Variants in ACTR8 observed in about 807,000 individuals in gnomAD.
ACTR8 encodes the protein actin related protein 8.
In ACTR8, 70 loss-of-function variants were observed where a neutral mutation model predicts 84.3. That is an observed-to-expected ratio of 0.83 (90% CI 0.68 to 1.01). ACTR8 has a LOEUF of 1.01. Among genes scored for constraint, ACTR8 ranks in the 50% least tolerant of loss-of-function variants. The pLI, the probability that ACTR8 is intolerant of heterozygous loss-of-function variation, is 0.00. For missense variants in ACTR8, 672 were observed against 775.4 expected (o/e 0.87, Z 1.58); for synonymous variants, 268 against 275.2 (o/e 0.97, Z 0.26).
downstream of ACTR8, chr3:53,864,780 A>G: frequency 6.2e-7 from 1 of 1,612,974 alleles, no homozygotes; most frequent in African/African-American, 1.3e-5. Flanking sequence ...CTACCACCAC[A>G]CTACTGCCCC....
Position 53,877,731 on chromosome 3 carries a change from C to G in ACTR8, c.426G>C (p.Gln142His). The change falls in exon 4 of 13, where the codon CAG becomes CAC. Residue 142 changes from glutamine (Q) to histidine (H), a missense_variant. By Grantham distance (24) the Gln-to-His change is conservative (BLOSUM62 0). Coordinates refer to ENST00000335754, the MANE Select transcript of ACTR8 (RefSeq NM_022899.5). ...SPEQARSYNK[Q>H]MRPAILDHCS... ...AGTGATCTAAAATTGCAGGTCGCAT[C>G]TGCTTATTGTAGGAGCGTGCCTGAA... 6.2e-7 allele frequency: 1 copy of G among 1,614,108 alleles called. No homozygotes were observed. Among genetic ancestry groups the G allele is most frequent in the East Asian group, 2.2e-5 (1 of 44,870 alleles).
intron 1 of ACTR8, among the ~76,000 whole-genome samples, chr3:53,880,911 CA>C (rs1700047953): frequency 6.6e-6 from 1 of 152,202 alleles, no homozygotes; most frequent in African/African-American, 2.4e-5. Context: ...CTTGAGTGCC[CA>C]ATACTGCCCT....
At chr3:53,871,992 T>C (rs1263435053) in intron 10 of ACTR8, among the ~76,000 whole-genome samples, 3 of 152,202 alleles carry the variant, frequency 2.0e-5, no homozygotes, top group African/African-American at 7.2e-5. Flanking sequence ...GTACCAGACA[T>C]CATATTATGG....
At position 53,871,382 on chromosome 3, in the gene ACTR8, A is replaced by G; in HGVS notation, c.1417T>C (p.Leu473=). ...AGGCCATCTCCCTGTGCAGACCCCA[A>G]ATCTACCTCCTGGGAATGGAGTCTT... ...PERLHSQEVD[L]GSAQGDGLMA... is the part of the protein sequence containing the mutation. Residue 473 remains leucine, a synonymous_variant, in exon 11 of 13, where the codon TTG becomes CTG. Transcript: ENST00000335754. The G allele has an allele frequency of 6.2e-7, 1 of 1,614,226 alleles. No individual in the cohort carries two copies. Among genetic ancestry groups the G allele is most frequent in the Non-Finnish European group, 8.5e-7 (1 of 1,180,036 alleles).
Position 53,870,392 on chromosome 3 carries a change from C to T in ACTR8, c.1568-247G>A. 2.1e-6 allele frequency: 1 copy of T among 474,236 alleles called. No individual in the cohort carries two copies. Among genetic ancestry groups the T allele is most frequent in the South Asian group, 2.8e-5 (1 of 35,352 alleles). The allele number at this position is 474,236 out of a possible 1,614,324, so 29.4% of individuals were successfully genotyped here. A position where few individuals can be genotyped will look rare whatever the true frequency, so the allele number is the denominator to read the frequency against. On this transcript the variant is annotated intron_variant, in intron 11 of 12. Transcript: ENST00000335754. The surrounding 1 kb of genome is among the most constrained non-coding windows in gnomAD (Gnocchi z 4.1). The stretch of plus-strand genomic sequence containing the variant: ...AGGAGGCCGAGCATGGTGGCTCACG[C>T]CTGTAATCCCAGCACTTTGGGAGGC...
At chr3:53,875,517 T>G (rs1699951891) in intron 7 of ACTR8, among the ~76,000 whole-genome samples, 1 of 152,210 alleles carries the variant, frequency 6.6e-6, no homozygotes, top group Non-Finnish European at 1.5e-5. Flanking sequence ...AACACCACTA[T>G]GACAAAAAAT....
Position 53,872,380 on chromosome 3 carries a change from G to A in ACTR8, c.1302+4C>T, listed in dbSNP as rs367777535. On this transcript the variant is annotated splice_donor_region_variant and intron_variant, in intron 10 of 12. Coordinates refer to ENST00000335754, the MANE Select transcript of ACTR8 (RefSeq NM_022899.5). The stretch of plus-strand genomic sequence containing the variant: ...TCTCTTCTCCTACCAGAATTGCTAC[G>A]GACCTGTTCTTGTTTGCTCTGTGTG... The A allele has an allele frequency of 1.6e-4, 245 of 1,578,552 alleles. No homozygotes were observed. The highest frequency in any genetic ancestry group is 2.0e-4 in the Non-Finnish European group (229 of 1,165,978).
Position 53,877,286 on chromosome 3 carries a change from A to G in ACTR8, c.612T>C (p.Val204=), listed in dbSNP as rs1699990001. 1 of 1,614,104 alleles carries G rather than the reference A, an allele frequency of 6.2e-7. No individual in the cohort carries two copies. The highest frequency in any genetic ancestry group is 1.3e-5 in the African/African-American group (1 of 75,056). Residue 204 remains valine, a synonymous_variant, in exon 5 of 13, where the codon GTT becomes GTC. Coordinates refer to ENST00000335754, the MANE Select transcript of ACTR8 (RefSeq NM_022899.5). ...HPGPGGSLTA[V]LADIEVIWSH... Reference sequence around the variant, plus strand: ...ACCATATTACTTCAATATCTGCCAGAACAGCTGTAAGAGAGCCCCCAGGGC... The same window carrying G: ...ACCATATTACTTCAATATCTGCCAGGACAGCTGTAAGAGAGCCCCCAGGGC...
chr3:53,876,786 G>T, intron 5 of ACTR8, 73 bp from the exon 6 acceptor site: 1 of 737,300 alleles, frequency 1.4e-6, no homozygotes, highest in Non-Finnish European at 2.2e-6. Flanking sequence ...CCTTTTTAGA[G>T]AGACTTCCCT....
chr3:53,874,531 C>G (rs572306114), intron 7 of ACTR8, among the ~76,000 whole-genome samples, 167 bp from the exon 8 acceptor site: 127 of 152,216 alleles, frequency 8.3e-4, no homozygotes, highest in African/African-American at 2.7e-3. Flanking sequence ...TCAAGACCAG[C>G]TGGCCAATAT....
chr3:53,863,010 A>T (rs951882993), downstream of ACTR8, among the ~76,000 whole-genome samples: 11 of 152,190 alleles, frequency 7.2e-5, no homozygotes, highest in African/African-American at 2.4e-4. Context: ...CTACTCAACA[A>T]GATGATGACA....
At position 53,872,402 on chromosome 3, in the gene ACTR8, T is replaced by C. The variant is rs1280684766; in HGVS notation, c.1284A>G (p.Thr428=). 2.2e-5 allele frequency: 36 copies of C among 1,608,544 alleles called. No individual in the cohort carries two copies. The highest frequency in any genetic ancestry group is 3.0e-5 in the Non-Finnish European group (35 of 1,178,230). The change falls in exon 10 of 13, where the codon ACA becomes ACG. Residue 428 remains threonine, a synonymous_variant. Transcript: ENST00000335754. ...TACGGACCTGTTCTTGTTTGCTCTG[T>C]GTGGCCAGCAGGTAATGTTCATCGT... The part of the protein sequence containing the change: ...DPHDEHYLLA[T]QSKQEQSAKA...
At position 53,870,158 on chromosome 3, in the gene ACTR8, T is replaced by G. The variant is rs370209492; in HGVS notation, c.1568-13A>C. ...GTGTCGTCAGATGCTGAAAAGACAG[T>G]TGACATCCTCCATGCTTTTTTCTCC... On this transcript the variant is annotated splice_polypyrimidine_tract_variant and intron_variant, in intron 11 of 12. Coordinates refer to ENST00000335754, the MANE Select transcript of ACTR8 (RefSeq NM_022899.5). This position sits in a 1 kb window ranked among gnomAD's most constrained non-coding sequence, Gnocchi z 4.1. 1.2e-6 allele frequency: 2 copies of G among 1,608,338 alleles called. No individual in the cohort carries two copies. The highest frequency in any genetic ancestry group is 1.7e-5 in the Admixed American group (1 of 59,816).
intron 12 of ACTR8, among the ~76,000 whole-genome samples, chr3:53,869,699 G>A (rs1362883552): frequency 6.6e-6 from 1 of 152,186 alleles, no homozygotes; most frequent in East Asian, 1.9e-4. Flanking sequence ...GGCAGGGCTT[G>A]AGAGCAGTTG....
rs141064607 is a variant in ACTR8, at chr3:53,877,630, G to A, written c.510+17C>T. 1.5e-4 allele frequency: 242 copies of A among 1,597,422 alleles called. No individual in the cohort carries two copies. The African/African-American group carries it at 2.9e-3, about 19-fold the overall frequency. ...CAGCTTCCCCTTCTTTCATTCTATT[G>A]TAAAGAAGTTTCTTACCTCTTCTCC... On this transcript the variant is annotated intron_variant, in intron 4 of 12. Coordinates refer to ENST00000335754, the MANE Select transcript of ACTR8 (RefSeq NM_022899.5).
Position 53,880,087 on chromosome 3 carries a change from A to G in ACTR8, c.146T>C (p.Ile49Thr), listed in dbSNP as rs1467640803. 5 of 1,613,998 alleles carry G rather than the reference A, an allele frequency of 3.1e-6. No homozygotes were observed. The highest frequency in any genetic ancestry group is 2.2e-5 in the East Asian group (1 of 44,894). ...LQEQIQSNFIIVIHPGSTTLR... is the reference protein window; with the variant it reads ...LQEQIQSNFITVIHPGSTTLR... ...AGTTGTTGAACCTGGATGTATGACA[A>G]TGATGAAGTTGCTCTGGATTTGCTG... Residue 49 changes from isoleucine (I) to threonine (T), a missense_variant, in exon 2 of 13, where the codon ATT becomes ACT. By Grantham distance (89) the Ile-to-Thr change is moderately conservative. Transcript: ENST00000335754.
chr3:53,866,599 A>C (rs1699787957), downstream of ACTR8, among the ~76,000 whole-genome samples: 1 of 151,720 alleles, frequency 6.6e-6, no homozygotes, highest in Admixed American at 6.6e-5. Flanking sequence ...CTCCTGCCTC[A>C]GCCTCCTGAG....
intron 7 of ACTR8, among the ~76,000 whole-genome samples, chr3:53,874,991 C>T (rs1164694463): frequency 1.3e-5 from 2 of 152,194 alleles, no homozygotes; most frequent in Non-Finnish European, 2.9e-5. Flanking sequence ...TGGTGGTCTA[C>T]ACTCACTAGC....
Position 53,868,805 on chromosome 3 carries a change from TA to T in ACTR8, c.1788del (p.Asp596GlufsTer59). On this transcript the variant is annotated frameshift_variant, in exon 13 of 13. Coordinates refer to ENST00000335754, the MANE Select transcript of ACTR8 (RefSeq NM_022899.5). LOFTEE classifies it high-confidence loss of function. ...TGATAAATCCACAGTTCCTGTGTTG[TA>T]TCCAAACAAGCCAACACTGCCCCTC... ...WKGGAVLACLDTTQELWIYQR... is the reference protein window; with the variant it reads ...WKGGAVLACLXTTQELWIYQR... 6.2e-7 allele frequency: 1 copy of T among 1,614,226 alleles called. No individual in the cohort carries two copies.
Sources: gnomAD v4.1 joint callset for allele counts (sites outside exome capture counted in the v4.1 genomes callset) on GRCh38, gnomAD v4.1.1 for gene constraint, Gnocchi (gnomAD v3.1) non-coding constraint, MANE v1.5 for transcripts, NCBI Gene and HGNC (gene_info 2026-07-23, HGNC 2026-07-21) for gene names.